Variants in DOCK1 observed in about 807,000 individuals in gnomAD.
DOCK1 encodes the protein dedicator of cytokinesis 1.
In DOCK1, 138 loss-of-function variants were observed where a neutral mutation model predicts 262.7. That is an observed-to-expected ratio of 0.53 (90% CI 0.46 to 0.61). DOCK1 has a LOEUF of 0.61. Among genes scored for constraint, DOCK1 ranks in the 20% least tolerant of loss-of-function variants. The pLI, the probability that DOCK1 is intolerant of heterozygous loss-of-function variation, is 0.00. For missense variants in DOCK1, 1,908 were observed against 2,370.7 expected (o/e 0.80, Z 4.05); for synonymous variants, 866 against 867.4 (o/e 1.00, Z 0.03).
At chr10:126,961,006 T>G (rs2037174527) in intron 1 of DOCK1, among the ~76,000 whole-genome samples, 1 of 152,154 alleles carries the variant, frequency 6.6e-6, no homozygotes, top group Non-Finnish European at 1.5e-5. Flanking sequence ...AAAGGCTCTT[T>G]TGTATATTTC....
At chr10:126,958,514 T>C (rs1183950675) in intron 1 of DOCK1, among the ~76,000 whole-genome samples, 2 of 152,094 alleles carry the variant, frequency 1.3e-5, no homozygotes, top group Non-Finnish European at 2.9e-5. Context: ...GTACAGAAGG[T>C]GATCGAGAGG....
intron 27 of DOCK1, among the ~76,000 whole-genome samples, chr10:127,166,948 T>A (rs1177453902): frequency 6.6e-6 from 1 of 152,146 alleles, no homozygotes; most frequent in Non-Finnish European, 1.5e-5. Flanking sequence ...GTATTTGAAA[T>A]CTATTTTGGC....
chr10:127,298,201 G>T (rs1033201414), intron 29 of DOCK1, among the ~76,000 whole-genome samples: 1 of 152,104 alleles, frequency 6.6e-6, no homozygotes, highest in Non-Finnish European at 1.5e-5. Flanking sequence ...AATCCTTAAT[G>T]TCCAAACAAA....
chr10:127,122,538 ACCT>A (rs962129618), intron 25 of DOCK1, among the ~76,000 whole-genome samples: 9 of 150,142 alleles, frequency 6.0e-5, no homozygotes, highest in African/African-American at 2.2e-4. Context: ...ACATCGCCCC[ACCT>A]CCCCACTTGA....
chr10:127,260,713 G>T (rs2060002093), intron 29 of DOCK1, among the ~76,000 whole-genome samples: 1 of 148,042 alleles, frequency 6.8e-6, no homozygotes, highest in Admixed American at 6.7e-5. Flanking sequence ...TCATCTGTGT[G>T]TCCTTGCATG....
intron 38 of DOCK1, 62 bp downstream of exon 38, chr10:127,384,971 TA>T (rs2066026762): frequency 1.4e-6 from 2 of 1,441,896 alleles, no homozygotes; most frequent in African/African-American, 2.9e-5. Context: ...TGCAGTGTTG[TA>T]AACACGTTTT....
chr10:127,279,844 T>A (rs866219730), intron 29 of DOCK1, among the ~76,000 whole-genome samples: 2 of 150,374 alleles, frequency 1.3e-5, no homozygotes, highest in Middle Eastern at 6.8e-3. Flanking sequence ...AAAGGCAATG[T>A]TTGTTTTATT....
chr10:126,949,416 G>A (rs1312673243), intron 1 of DOCK1, among the ~76,000 whole-genome samples: 3 of 152,252 alleles, frequency 2.0e-5, no homozygotes, highest in South Asian at 2.1e-4. Flanking sequence ...GCCTTTGGCA[G>A]TGAACACACC....
chr10:127,195,398 G>A (rs1800049701), intron 27 of DOCK1, among the ~76,000 whole-genome samples: 2 of 152,210 alleles, frequency 1.3e-5, no homozygotes, highest in South Asian at 2.1e-4. Context: ...ACCCCAACCC[G>A]CAGCCCCGGG....
At chr10:126,977,437 A>G (rs190213015) in intron 2 of DOCK1, among the ~76,000 whole-genome samples, 25 of 152,308 alleles carry the variant, frequency 1.6e-4, no homozygotes, top group African/African-American at 5.8e-4. Flanking sequence ...TTGTTGCTAC[A>G]GAAGTACTTT....
At chr10:127,373,706 G>C (rs1237889154) in intron 33 of DOCK1, 75 bp from the exon 34 acceptor site, 4 of 1,355,486 alleles carry the variant, frequency 3.0e-6, no homozygotes, top group Non-Finnish European at 4.1e-6. Context: ...GCCGATTTAT[G>C]TTCTATTGAC....
intron 1 of DOCK1, among the ~76,000 whole-genome samples, chr10:126,941,087 G>A (rs1421135688): frequency 6.6e-6 from 1 of 152,108 alleles, no homozygotes; most frequent in Non-Finnish European, 1.5e-5. Flanking sequence ...CATCTGTTTG[G>A]TCATTGTCTG....
In DOCK1 at chr10:127,447,500, C is replaced by T; in HGVS notation, c.5520C>T (p.Asp1840=). The T allele has an allele frequency of 2.5e-6, 4 of 1,613,934 alleles. No individual in the cohort carries two copies. The highest frequency in any genetic ancestry group is 3.4e-6 in the Non-Finnish European group (4 of 1,179,862). ...ADYGNLMENQ[D]LLGSPTPPPP... ...ACGGGAATTTGATGGAAAACCAGGACTTGCTGGGCTCGCCAACACCTCCAC... is the reference window on the plus strand; with the variant it reads ...ACGGGAATTTGATGGAAAACCAGGATTTGCTGGGCTCGCCAACACCTCCAC... Residue 1840 remains aspartate (D), a synonymous_variant, in exon 51 of 52, where the codon GAC becomes GAT. Transcript: ENST00000623213.
At chr10:127,128,547 C>A (rs58030162) in intron 27 of DOCK1, among the ~76,000 whole-genome samples, 1 of 152,064 alleles carries the variant, frequency 6.6e-6, no homozygotes, top group South Asian at 2.1e-4. Context: ...ATTTGCCCCC[C>A]ACTCCCCAGC....
In DOCK1 at chr10:127,412,853, A is replaced by C. The variant is rs140624833; in HGVS notation, c.4428+1929A>C. 2.0e-3 allele frequency among the ~76,000 whole-genome samples: 312 copies of C among 152,314 alleles called. 1 individual carries two copies. The highest frequency in any genetic ancestry group is 7.1e-3 in the African/African-American group (297 of 41,572). ...AGCACAAAGGAGCTTGGAGTTGGTGAAATCTGCAGTATTGTGCAGTCCCAG... is the reference window on the plus strand; with the variant it reads ...AGCACAAAGGAGCTTGGAGTTGGTGCAATCTGCAGTATTGTGCAGTCCCAG... On this transcript the variant is annotated intron_variant, in intron 43 of 51. Transcript: ENST00000623213.
intron 8 of DOCK1, 148 bp downstream of exon 8, chr10:126,998,397 TAGAC>T (rs1477644845): frequency 7.3e-6 from 8 of 1,098,094 alleles, no homozygotes; most frequent in East Asian, 2.4e-5. Context: ...AGAGCTGTCT[TAGAC>T]AGTGTGATGG....
chr10:127,215,463 G>C (rs1404604189), intron 27 of DOCK1, among the ~76,000 whole-genome samples: 1 of 152,266 alleles, frequency 6.6e-6, no homozygotes, highest in African/African-American at 2.4e-5. Flanking sequence ...GATAGCCGGG[G>C]CATCTAACCA....
chr10:127,205,010 G>T (rs1020580466), intron 27 of DOCK1, among the ~76,000 whole-genome samples: 1 of 151,980 alleles, frequency 6.6e-6, no homozygotes, highest in Non-Finnish European at 1.5e-5. Context: ...TGAGCTGGAT[G>T]CCCCTAAGTT....
intron 29 of DOCK1, among the ~76,000 whole-genome samples, chr10:127,271,791 T>C (rs1042060463): frequency 6.6e-6 from 1 of 152,192 alleles, no homozygotes; most frequent in Admixed American, 6.5e-5. Flanking sequence ...ACCAATAAAA[T>C]ACATGAAATA....
Sources: allele counts gnomAD v4.1 joint callset (sites outside exome capture counted in the v4.1 genomes callset), GRCh38; gene constraint gnomAD v4.1.1; transcripts MANE v1.5; gene names NCBI Gene and HGNC (gene_info 2026-07-23, HGNC 2026-07-21).